The following CHD9 variants were observed in gnomAD, a reference collection of about 807,000 sequenced individuals.
The protein encoded by CHD9 is chromodomain helicase DNA binding protein 9.
Under a neutral mutation model 316.1 loss-of-function variants are expected in CHD9, and 77 were observed. The observed-to-expected ratio is 0.24, with a 90% CI of 0.20 to 0.29. The LOEUF (loss-of-function observed/expected upper bound fraction) is 0.29, where lower values mean the gene tolerates loss of function less well. CHD9 is among the 10% of genes least tolerant of loss of function. The probability of loss-of-function intolerance (pLI) is 1.00; values close to 1 mark genes in which losing one functional copy is unlikely to be tolerated. For missense variants in CHD9, 2,763 were observed against 3,438.1 expected, an observed-to-expected ratio of 0.80 and a Z score of 4.91; for synonymous variants, 1,129 against 1,158.3, an observed-to-expected ratio of 0.97 and a Z score of 0.51.
intron 1 of CHD9, among the ~76,000 whole-genome samples, chr16:53,138,423 C>T (rs571429922): frequency 5.5e-4 from 84 of 152,130 alleles, no homozygotes; most frequent in African/African-American, 1.9e-3. Context: ...GAAATCACTG[C>T]GTAGAAACTT....
chr16:53,103,662 T>C (rs1361252418), intron 1 of CHD9, among the ~76,000 whole-genome samples: 1 of 152,238 alleles, frequency 6.6e-6, no homozygotes, highest in Admixed American at 6.5e-5. Context: ...AAAGTTCTTA[T>C]CTATCTCATC....
intron 1 of CHD9, among the ~76,000 whole-genome samples, chr16:53,154,242 GT>G (rs1597187685): frequency 6.6e-6 from 1 of 152,144 alleles, no homozygotes; most frequent in East Asian, 1.9e-4. Context: ...TTTTACTAAT[GT>G]TTTACTAATA....
At chr16:53,062,207 C>G (rs2152498665) in intron 1 of CHD9, among the ~76,000 whole-genome samples, 1 of 152,308 alleles carries the variant, frequency 6.6e-6, no homozygotes, top group Non-Finnish European at 1.5e-5. Context: ...GGAAAGACAG[C>G]AGTCCTCCAG....
intron 24 of CHD9, among the ~76,000 whole-genome samples, chr16:53,283,463 C>T (rs979493483): frequency 6.6e-6 from 1 of 152,170 alleles, no homozygotes; most frequent in South Asian, 2.1e-4. Flanking sequence ...TTGCCTTTTC[C>T]TCTTTACAAG....
intron 16 of CHD9, among the ~76,000 whole-genome samples, chr16:53,248,606 AC>A (rs1209241148): frequency 6.9e-6 from 1 of 144,830 alleles, no homozygotes; most frequent in Non-Finnish European, 1.5e-5. Flanking sequence ...GCTCATTGCA[AC>A]CTCGAACTCC....
chr16:53,182,167 A>G (rs1223932683), intron 2 of CHD9, among the ~76,000 whole-genome samples: 1 of 152,150 alleles, frequency 6.6e-6, no homozygotes, highest in Non-Finnish European at 1.5e-5. Flanking sequence ...CTTTTACTGC[A>G]GAACAATTGG....
Position 53,315,016 on chromosome 16 carries a change from A to G in CHD9, c.7556A>G (p.Tyr2519Cys). The G allele has an allele frequency of 6.2e-7, 1 of 1,613,756 alleles. No homozygotes were observed. Among genetic ancestry groups the G allele is most frequent in the Non-Finnish European group, 8.5e-7 (1 of 1,179,738 alleles). ...LEKWLKEHPGYVEDLGAFIPR... is the reference protein window; with the variant it reads ...LEKWLKEHPGCVEDLGAFIPR... ...AAATGGCTTAAGGAGCACCCGGGTT[A>G]TGTGGAAGATTTGGGAGCTTTTATT... Residue 2519 changes from tyrosine (Y) to cysteine (C), a missense_variant, in exon 36 of 39, where the codon TAT becomes TGT. This residue lies in a region of CHD9 where 663 missense variants were observed against 751.2 expected (regional missense o/e 0.88). Transcript: ENST00000447540.
Position 53,156,208 on chromosome 16 carries a change from A to G in CHD9, c.119A>G (p.Asn40Ser), listed in dbSNP as rs1484905444. ...CCTGTTTCACTAGTTGATGAATTGA[A>G]TTTGGGTGCAGAATTTGAACCGTTG... ...PGPVSLVDEL[N>S]LGAEFEPLHI... is the part of the protein sequence containing the mutation. Residue 40 changes from asparagine (N) to serine (S), a missense_variant, in exon 2 of 39, where the codon AAT becomes AGT. By Grantham distance (46) the Asn-to-Ser change is conservative (BLOSUM62 1). Around this residue, in one of 15 missense-constraint regions of CHD9, gnomAD observed 859 missense variants for 890.4 expected, o/e 0.96. Coordinates refer to ENST00000447540, the MANE Select transcript of CHD9 (RefSeq NM_001308319.2). The G allele has an allele frequency of 1.9e-6, 3 of 1,614,008 alleles. No homozygotes were observed. In the South Asian group the frequency reaches 3.3e-5, roughly 18 times the overall value.
chr16:53,173,314 TTATCAG>T (rs1300409167), intron 2 of CHD9, among the ~76,000 whole-genome samples: 1 of 152,174 alleles, frequency 6.6e-6, no homozygotes, highest in Non-Finnish European at 1.5e-5. Context: ...GCTGTTAAAT[TTATCAG>T]TATAATGTTT....
intron 20 of CHD9, among the ~76,000 whole-genome samples, chr16:53,264,765 T>C (rs1177060274): frequency 6.6e-6 from 1 of 152,062 alleles, no homozygotes; most frequent in African/African-American, 2.4e-5. Context: ...CAATACACTG[T>C]AATGTCAGGA....
Position 53,325,795 on chromosome 16 carries a change from A to T in CHD9, c.*900A>T, listed in dbSNP as rs1301081218. 6.6e-6 allele frequency: 1 copy of T among 152,364 alleles called. No homozygotes were observed. The highest frequency in any genetic ancestry group is 2.4e-5 in the African/African-American group (1 of 41,456). 9.4% of individuals were successfully genotyped at this position (152,364 alleles called of 1,614,324 possible). A position where few individuals can be genotyped will look rare whatever the true frequency, so the allele number is the denominator to read the frequency against. On this transcript the variant is annotated 3_prime_UTR_variant, in exon 39 of 39. Transcript: ENST00000447540. Reference sequence around the variant, plus strand: ...AAACTCATGAAATGCCACTGAAAAGAACTTTCAACACAGCATACTTCATGT... The same window carrying T: ...AAACTCATGAAATGCCACTGAAAAGTACTTTCAACACAGCATACTTCATGT...
intron 10 of CHD9, among the ~76,000 whole-genome samples, chr16:53,232,658 A>G (rs780076973): frequency 6.6e-6 from 1 of 152,204 alleles, no homozygotes; most frequent in Non-Finnish European, 1.5e-5. Flanking sequence ...ACCCGAACTA[A>G]TGAATCATTA....
chr16:53,307,214 A>G (rs1333311358), intron 32 of CHD9, among the ~76,000 whole-genome samples: 2 of 152,136 alleles, frequency 1.3e-5, no homozygotes, highest in Non-Finnish European at 2.9e-5. Context: ...AGGAGTCTGT[A>G]TTACTTTTTA....
chr16:53,204,448 G>T (rs937103320), intron 2 of CHD9, among the ~76,000 whole-genome samples: 7 of 152,174 alleles, frequency 4.6e-5, no homozygotes, highest in African/African-American at 7.2e-5. Flanking sequence ...CCTCATGAAG[G>T]AAAAGGCGAG....
At chr16:53,089,485 T>A (rs1174549580) in intron 1 of CHD9, among the ~76,000 whole-genome samples, 1 of 152,198 alleles carries the variant, frequency 6.6e-6, no homozygotes, top group Admixed American at 6.5e-5. Context: ...TTGAGCTTCA[T>A]AACAGTCCTA....
chr16:53,179,781 C>T (rs1191316148), intron 2 of CHD9, among the ~76,000 whole-genome samples: 1 of 151,672 alleles, frequency 6.6e-6, no homozygotes, highest in Non-Finnish European at 1.5e-5. Flanking sequence ...CCTGTAATCC[C>T]AGCTGCTCGG....
rs762716450 is a variant in CHD9 at position 53,157,092 on chromosome 16, A to G, written c.1003A>G (p.Asn335Asp). ...ILNPNTSLNS[N>D]NFQILHSSHP... ...AAACCCCAATACATCATTGAATTCAAATAATTTCCAAATATTGCATTCATC... is the reference window on the plus strand; with the variant it reads ...AAACCCCAATACATCATTGAATTCAGATAATTTCCAAATATTGCATTCATC... Residue 335 changes from asparagine to aspartate, a missense_variant, in exon 2 of 39, where the codon AAT (asparagine) becomes GAT (aspartate). By Grantham distance (23) the Asn-to-Asp change is conservative. Around this residue, in one of 15 missense-constraint regions of CHD9, gnomAD observed 859 missense variants for 890.4 expected, o/e 0.96. Transcript: ENST00000447540. The G allele has an allele frequency of 5.0e-6, 8 of 1,612,442 alleles. No homozygotes were observed. The South Asian group carries it at 8.8e-5, about 18-fold the overall frequency.
chr16:53,177,426 G>T (rs536518326), intron 2 of CHD9, among the ~76,000 whole-genome samples: 8 of 152,240 alleles, frequency 5.3e-5, no homozygotes, highest in African/African-American at 1.4e-4. Flanking sequence ...AAAAAGACAT[G>T]ATTTGATCCA....
chr16:53,171,873 C>G (rs966081777), intron 2 of CHD9, among the ~76,000 whole-genome samples: 2 of 78,334 alleles, frequency 2.6e-5, no homozygotes, highest in Admixed American at 1.1e-4. Context: ...CACACACACA[C>G]ACACACACAC....
Sources: gnomAD v4.1 joint callset for allele counts (sites outside exome capture counted in the v4.1 genomes callset) on GRCh38, gnomAD v4.1.1 for gene constraint, gnomAD v4.1.1 regional missense constraint, MANE v1.5 for transcripts, NCBI Gene and HGNC (gene_info 2026-07-23, HGNC 2026-07-21) for gene names.